Variants in PRKAG2 observed in about 807,000 individuals in gnomAD.
The protein encoded by PRKAG2 is protein kinase AMP-activated non-catalytic subunit gamma 2.
In PRKAG2, 26 loss-of-function variants were observed where a neutral mutation model predicts 69.6. The ratio of observed to expected loss-of-function variants is 0.37; its 90% confidence interval spans 0.27 to 0.52. The LOEUF is 0.52. PRKAG2 is among the 20% of genes least tolerant of loss of function. The pLI, the probability that PRKAG2 is intolerant of heterozygous loss-of-function variation, is 0.90. For synonymous variants in PRKAG2, 293 were observed against 285.0 expected (o/e 1.03, Z -0.28); for missense variants, 557 against 740.0 (o/e 0.75, Z 2.87).
intron 3 of PRKAG2, among the ~76,000 whole-genome samples, chr7:151,734,880 A>G (rs1395021189): frequency 2.7e-5 from 3 of 112,174 alleles, no homozygotes; most frequent in African/African-American, 1.1e-4. Context: ...TTTGAGGCAG[A>G]GTCTTGCTCT....
intron 6 of PRKAG2, among the ~76,000 whole-genome samples, chr7:151,586,041 G>A (rs987347855): frequency 6.6e-5 from 10 of 152,350 alleles, no homozygotes; most frequent in Admixed American, 5.2e-4. Flanking sequence ...GCTGAGGGCC[G>A]TCCCACTGCC....
chr7:151,726,371 G>GAGACACAC (rs1797948165), intron 3 of PRKAG2, among the ~76,000 whole-genome samples: 1 of 148,284 alleles, frequency 6.7e-6, no homozygotes, highest in African/African-American at 2.5e-5. Context: ...AGGGAGGCAG[G>GAGACACAC]ACACACACAC....
chr7:151,688,105 A>C (rs1835054399), intron 3 of PRKAG2, among the ~76,000 whole-genome samples: 1 of 145,460 alleles, frequency 6.9e-6, no homozygotes, highest in African/African-American at 2.5e-5. Flanking sequence ...GAAGGAAATA[A>C]GGGAAGGACA....
chr7:151,596,519 C>A (rs1381494698), intron 5 of PRKAG2, among the ~76,000 whole-genome samples: 2 of 152,062 alleles, frequency 1.3e-5, no homozygotes, highest in Non-Finnish European at 2.9e-5. Flanking sequence ...GAGGCTGAGG[C>A]AGGCAGATCA....
rs1483285459 is a variant in PRKAG2 at position 151,780,085 on chromosome 7, C to T, written c.466+1067G>A. Among the ~76,000 whole-genome samples the T allele has an allele frequency of 2.6e-5, 4 of 152,180 alleles. No homozygotes were observed. Among genetic ancestry groups the T allele is most frequent in the Non-Finnish European group, 4.4e-5 (3 of 68,026 alleles). ...CCTTCATTTGTTTTATGTAGAAAGA[C>T]GAAGTGCAAAATCTGTCCAAGAGAT... On this transcript the variant is annotated intron_variant, in intron 3 of 15. Coordinates refer to ENST00000287878, the MANE Select transcript of PRKAG2 (RefSeq NM_016203.4). The surrounding 1 kb of genome is among the most constrained non-coding windows in gnomAD (Gnocchi z 4.2).
chr7:151,744,375 C>A (rs904483288), intron 3 of PRKAG2, among the ~76,000 whole-genome samples: 1 of 152,102 alleles, frequency 6.6e-6, no homozygotes, highest in African/African-American at 2.4e-5. Flanking sequence ...GACTCTGGGT[C>A]TCCGTTGTAG....
At chr7:151,692,899 G>A (rs1448085484) in intron 3 of PRKAG2, among the ~76,000 whole-genome samples, 3 of 152,142 alleles carry the variant, frequency 2.0e-5, no homozygotes, top group Non-Finnish European at 4.4e-5. Context: ...GGGAAGGAGC[G>A]AGGTCTCAGA....
intron 1 of PRKAG2, among the ~76,000 whole-genome samples, chr7:151,854,804 C>T (rs1158933052): frequency 2.0e-5 from 3 of 152,082 alleles, no homozygotes; most frequent in African/African-American, 7.3e-5. Flanking sequence ...GGGGGAGTCA[C>T]GGAAGGAGGG....
chr7:151,773,468 C>A (rs2076187730), intron 3 of PRKAG2, among the ~76,000 whole-genome samples: 1 of 152,284 alleles, frequency 6.6e-6, no homozygotes, highest in Admixed American at 6.5e-5. Context: ...AGCTGTGTGG[C>A]CTTTGTTCCA....
chr7:151,556,272 T>A lies in PRKAG2; in HGVS notation c.*929A>T, dbSNP rs1803777056. 6.6e-6 allele frequency: 1 copy of A among 152,486 alleles called. No homozygotes were observed. 9.4% of individuals were successfully genotyped at this position (152,486 alleles called of 1,614,324 possible). A position where few individuals can be genotyped will look rare whatever the true frequency, so the allele number is the denominator to read the frequency against. ...GAAACATTGTTTCTCTTCAACTGTA[T>A]GACAATACTGTATATGCCACAATAA... On this transcript the variant is annotated 3_prime_UTR_variant, in exon 16 of 16. Transcript: ENST00000287878.
intron 4 of PRKAG2, among the ~76,000 whole-genome samples, chr7:151,644,845 T>C (rs1827298054): frequency 6.6e-6 from 1 of 152,240 alleles, no homozygotes; most frequent in African/African-American, 2.4e-5. Flanking sequence ...ATGCTTGGTA[T>C]GGTCTCTTAA....
At chr7:151,793,435 C>T (rs915612022) in intron 1 of PRKAG2, among the ~76,000 whole-genome samples, 1 of 152,206 alleles carries the variant, frequency 6.6e-6, no homozygotes, top group Non-Finnish European at 1.5e-5. Flanking sequence ...TTGTTCAGCT[C>T]CCTCAATCCT....
intron 3 of PRKAG2, among the ~76,000 whole-genome samples, chr7:151,741,123 G>A (rs2073854792): frequency 6.6e-6 from 1 of 152,094 alleles, no homozygotes; most frequent in Non-Finnish European, 1.5e-5. Context: ...TGAGGCGGGA[G>A]GATTGCTTGA....
chr7:151,859,934 C>A (rs2079875379), intron 1 of PRKAG2, among the ~76,000 whole-genome samples: 1 of 152,174 alleles, frequency 6.6e-6, no homozygotes, highest in Admixed American at 6.5e-5. Context: ...GCTGGAGGGA[C>A]GCAGGGTTGC....
At chr7:151,823,845 A>T (rs7805942) in intron 1 of PRKAG2, among the ~76,000 whole-genome samples, 2 of 152,084 alleles carry the variant, frequency 1.3e-5, no homozygotes, top group Non-Finnish European at 2.9e-5. Context: ...ACCTCTGGGG[A>T]GTTTTCAAAA....
chr7:151,695,490 G>A lies in PRKAG2; in HGVS notation c.467-19853C>T, dbSNP rs138444200. On this transcript the variant is annotated intron_variant, in intron 3 of 15. Transcript: ENST00000287878. ...TGCACTTGTGCACACAAACTTTCTC[G>A]TGTGGGTGCCCTAAGTGCCGGCATT... Among the ~76,000 whole-genome samples the A allele has an allele frequency of 6.6e-3, 1,010 of 152,256 alleles. 8 individuals are homozygous for A. The highest frequency in any genetic ancestry group is 0.012 in the Non-Finnish European group (789 of 68,028).
At chr7:151,823,171 C>T (rs1382978998) in intron 1 of PRKAG2, among the ~76,000 whole-genome samples, 2 of 152,004 alleles carry the variant, frequency 1.3e-5, no homozygotes, top group Non-Finnish European at 2.9e-5. Context: ...CCTGGGGACA[C>T]TCTCTATGAA....
At chr7:151,803,996 G>T (rs1277264419) in intron 1 of PRKAG2, among the ~76,000 whole-genome samples, 1 of 151,256 alleles carries the variant, frequency 6.6e-6, no homozygotes, top group Non-Finnish European at 1.5e-5. Context: ...ATAACAACCT[G>T]TAATTGAAGA....
In PRKAG2 at chr7:151,600,192, A is replaced by G. The variant is rs147775944; in HGVS notation, c.755-4738T>C. 1.0e-2 allele frequency among the ~76,000 whole-genome samples: 1,514 copies of G among 152,012 alleles called. 98 individuals carry two copies. The highest frequency in any genetic ancestry group is 0.087 in the Admixed American group (1,331 of 15,262). On this transcript the variant is annotated intron_variant, in intron 5 of 15. Transcript: ENST00000287878. ...CCCCGTTCTGCCGAAATCCTTCCCT[A>G]TTTTCATGGGTCAGTCCAAATTATG... is the stretch of plus-strand genomic sequence containing the variant.
Sources: gnomAD v4.1 joint callset for allele counts (sites outside exome capture counted in the v4.1 genomes callset) on GRCh38, gnomAD v4.1.1 for gene constraint, Gnocchi (gnomAD v3.1) non-coding constraint, MANE v1.5 for transcripts, NCBI Gene and HGNC (gene_info 2026-07-23, HGNC 2026-07-21) for gene names.